The following SEZ6L variants were observed in gnomAD, a reference collection of about 807,000 sequenced individuals.
SEZ6L encodes the protein seizure 6-like protein.
Under a neutral mutation model 106.2 loss-of-function variants are expected in SEZ6L, and 37 were observed. The ratio of observed to expected loss-of-function variants is 0.35; its 90% CI spans 0.27 to 0.46. The LOEUF is 0.46. Ranked by LOEUF, SEZ6L falls within the 20% of genes least tolerant of loss-of-function variation. The probability of loss-of-function intolerance (pLI) is 1.00; values close to 1 mark genes in which losing one functional copy is unlikely to be tolerated. For synonymous variants in SEZ6L, 541 were observed against 570.4 expected (o/e 0.95, Z 0.73); for missense variants, 1,172 against 1,332.8 (o/e 0.88, Z 1.88).
At chr22:26,201,303 T>G (rs1431412447) in intron 1 of SEZ6L, among the ~76,000 whole-genome samples, 1 of 150,534 alleles carries the variant, frequency 6.6e-6, no homozygotes, top group African/African-American at 2.5e-5. Flanking sequence ...GGTGGATCAT[T>G]TGAGGTCAGG....
At chr22:26,331,928 C>T (rs1168699985) in intron 9 of SEZ6L, among the ~76,000 whole-genome samples, 1 of 151,960 alleles carries the variant, frequency 6.6e-6, no homozygotes, top group African/African-American at 2.4e-5. Flanking sequence ...GAGGTTGCAA[C>T]GAGCTGAGAT....
intron 11 of SEZ6L, among the ~76,000 whole-genome samples, chr22:26,348,628 G>A (rs1221542987): frequency 6.8e-5 from 2 of 29,260 alleles, no homozygotes; most frequent in Non-Finnish European, 1.1e-4. Context: ...AAGAAAGAAA[G>A]AAAGAAAGAA....
At chr22:26,358,863 T>G (rs950074367) in intron 12 of SEZ6L, among the ~76,000 whole-genome samples, 1 of 152,208 alleles carries the variant, frequency 6.6e-6, no homozygotes, top group Non-Finnish European at 1.5e-5. Flanking sequence ...GGGCCCAGGA[T>G]GCTGCTCAAT....
intron 1 of SEZ6L, among the ~76,000 whole-genome samples, chr22:26,194,881 C>T (rs74993228): frequency 0.027 from 4,170 of 152,286 alleles, 88 homozygotes; most frequent in Middle Eastern, 0.075. Flanking sequence ...TCCTAAGTGC[C>T]CAGCAAATGG....
intron 12 of SEZ6L, among the ~76,000 whole-genome samples, chr22:26,357,790 G>A (rs1290627185): frequency 6.6e-6 from 1 of 152,154 alleles, no homozygotes; most frequent in Non-Finnish European, 1.5e-5. Flanking sequence ...TCACACCTCT[G>A]CTTTGTTGCA....
chr22:26,354,761 G>A (rs1041435757), intron 12 of SEZ6L, among the ~76,000 whole-genome samples: 13 of 152,288 alleles, frequency 8.5e-5, no homozygotes, highest in Admixed American at 2.6e-4. Context: ...TTTCCAAGAC[G>A]CAAGCCTCCC....
At chr22:26,267,797 A>C (rs2080237583) in intron 1 of SEZ6L, among the ~76,000 whole-genome samples, 1 of 152,240 alleles carries the variant, frequency 6.6e-6, no homozygotes, top group Non-Finnish European at 1.5e-5. Flanking sequence ...ATTTAAGGTC[A>C]GATGAGAGGG....
chr22:26,304,226 C>T (rs1243511846), intron 5 of SEZ6L, among the ~76,000 whole-genome samples: 2 of 151,778 alleles, frequency 1.3e-5, no homozygotes, highest in African/African-American at 2.4e-5. Context: ...GTGGTGGGCA[C>T]CTGTAATCCC....
intron 9 of SEZ6L, among the ~76,000 whole-genome samples, chr22:26,318,056 CATTTT>C (rs71192913): frequency 0.17 from 25,549 of 146,564 alleles, 2,255 homozygotes; most frequent in Non-Finnish European, 0.18. Flanking sequence ...ATTCAATTTC[CATTTT>C]ATTTTATTTT....
At chr22:26,237,102 T>C (rs2078978605) in intron 1 of SEZ6L, among the ~76,000 whole-genome samples, 1 of 152,204 alleles carries the variant, frequency 6.6e-6, no homozygotes. Context: ...GCTTAGCTGC[T>C]CAACTCGAGG....
At chr22:26,304,791 C>T (rs1569454710) in intron 5 of SEZ6L, among the ~76,000 whole-genome samples, 1 of 152,006 alleles carries the variant, frequency 6.6e-6, no homozygotes, top group Non-Finnish European at 1.5e-5. Flanking sequence ...TAGTGAGCAT[C>T]TTCCTATATG....
chr22:26,284,383 G>C (rs755944899), intron 1 of SEZ6L, among the ~76,000 whole-genome samples: 16 of 152,336 alleles, frequency 1.1e-4, no homozygotes, highest in African/African-American at 3.8e-4. Context: ...AAGGCACATG[G>C]ATCACTTGAG....
chr22:26,373,987 A>G (rs780002628), intron 14 of SEZ6L, among the ~76,000 whole-genome samples: 4 of 152,026 alleles, frequency 2.6e-5, no homozygotes, highest in Non-Finnish European at 4.4e-5. Context: ...GAAATTCCCA[A>G]ATGAGACTTA....
intron 15 of SEZ6L, 151 bp downstream of exon 15, chr22:26,375,840 C>T (rs1266881500): frequency 6.5e-6 from 4 of 612,328 alleles, no homozygotes; most frequent in Non-Finnish European, 1.2e-5. Flanking sequence ...AGATTCAGCC[C>T]AACTCTGTGG....
At chr22:26,208,850 CTGTGTGTGTG>C (rs35483380) in intron 1 of SEZ6L, among the ~76,000 whole-genome samples, 7,923 of 111,754 alleles carry the variant, frequency 0.071, 393 homozygotes, top group African/African-American at 0.14. Flanking sequence ...GACTCTCTCT[CTGTGTGTGTG>C]TGTGTGTGTG....
intron 1 of SEZ6L, among the ~76,000 whole-genome samples, chr22:26,249,735 T>C (rs1349519232): frequency 6.6e-6 from 1 of 152,218 alleles, no homozygotes; most frequent in Non-Finnish European, 1.5e-5. Context: ...CTACTTTTAA[T>C]TTTTTGAGAA....
In SEZ6L at chr22:26,361,343, C is replaced by CA. The variant is rs150251826; in HGVS notation, c.2600-4024dup. 2.6e-4 allele frequency among the ~76,000 whole-genome samples: 35 copies of CA among 133,392 alleles called. 2 individuals carry two copies. Among genetic ancestry groups the CA allele is most frequent in the African/African-American group, 9.2e-4 (34 of 36,798 alleles). 87.5% of individuals were successfully genotyped at this position (133,392 alleles called of 152,430 possible). A position where few individuals can be genotyped will look rare whatever the true frequency, so the allele number is the denominator to read the frequency against. On this transcript the variant is annotated intron_variant, in intron 12 of 16. Coordinates refer to ENST00000248933, the MANE Select transcript of SEZ6L (RefSeq NM_021115.5). ...TGGAACCCCGTCTCTACTAAAAATA[C>CA]AAAAACAAAAAAAATCAGCTAGGCT...
chr22:26,364,215 T>C (rs1044748892), intron 12 of SEZ6L, among the ~76,000 whole-genome samples: 2 of 152,102 alleles, frequency 1.3e-5, no homozygotes, highest in African/African-American at 4.8e-5. Context: ...TGTAGTCCTG[T>C]GTGTGAAGCA....
rs199641007 is a variant in SEZ6L at position 26,369,341 on chromosome 22, C to CTTTT, written c.2794+3776_2794+3779dup. On this transcript the variant is annotated intron_variant, in intron 13 of 16. Transcript: ENST00000248933. Reference sequence around the variant, plus strand: ...ATGACAATGACTTATATAAGCAGTTCTTTTGTTTTTTTTTTTGAGACAGAT... The same window carrying CTTTT: ...ATGACAATGACTTATATAAGCAGTTCTTTTTTTTGTTTTTTTTTTTGAGACAGAT... Among the ~76,000 whole-genome samples the CTTTT allele has an allele frequency of 1.9e-4, 20 of 103,764 alleles. 7 individuals are homozygous for CTTTT. The highest frequency in any genetic ancestry group is 6.3e-4 in the African/African-American group (13 of 20,670). 68.1% of individuals were successfully genotyped at this position (103,764 alleles called of 152,430 possible). A position where few individuals can be genotyped will look rare whatever the true frequency, so the allele number is the denominator to read the frequency against.
Sources: allele counts gnomAD v4.1 joint callset (sites outside exome capture counted in the v4.1 genomes callset), GRCh38; gene constraint gnomAD v4.1.1; transcripts MANE v1.5; gene names NCBI Gene and HGNC (gene_info 2026-07-23, HGNC 2026-07-21).